The following AFMID variants were observed in gnomAD, a reference collection of about 807,000 sequenced individuals.
The protein encoded by AFMID is kynurenine formamidase.
AFMID carries 39 observed loss-of-function variants against 47.5 expected under a neutral mutation model. The observed-to-expected ratio is 0.82, with a 90% confidence interval of 0.64 to 1.07. The LOEUF (loss-of-function observed/expected upper bound fraction) is 1.07, where lower values mean the gene tolerates loss of function less well. Ranked by LOEUF, AFMID falls within the 50% of genes least tolerant of loss-of-function variation. AFMID has a pLI of 0.00. For synonymous variants in AFMID, 130 were observed against 153.2 expected (o/e 0.85, Z 1.12); for missense variants, 375 against 387.5 (o/e 0.97, Z 0.27).
chr17:78,199,290 C>A (rs1272409105), intron 2 of AFMID, among the ~76,000 whole-genome samples: 1 of 152,234 alleles, frequency 6.6e-6, no homozygotes, highest in Non-Finnish European at 1.5e-5. Context: ...AAGCTCTCAG[C>A]CCCATGCTTT....
Position 78,204,871 on chromosome 17 carries a change from G to T in AFMID, c.438G>T (p.Ala146=), listed in dbSNP as rs746788138. 5 of 1,614,216 alleles carry T rather than the reference G, an allele frequency of 3.1e-6. No homozygotes were observed. Among genetic ancestry groups the T allele is most frequent in the South Asian group, 1.1e-5 (1 of 91,086 alleles). The change falls in exon 6 of 11, where the codon GCG becomes GCT. Residue 146 remains alanine (A), a synonymous_variant. Transcript: ENST00000409257. ...TAGACCAGGTGACCCGCAGCGTTGCGTTTGTCCAGAAGCGGTATCCAAGCA... is the reference window on the plus strand; with the variant it reads ...TAGACCAGGTGACCCGCAGCGTTGCTTTTGTCCAGAAGCGGTATCCAAGCA... The part of the protein sequence containing the change: ...HMVDQVTRSV[A]FVQKRYPSNK...
chr17:78,192,175 A>ATTT (rs201019004), intron 2 of AFMID, among the ~76,000 whole-genome samples: 1 of 124,126 alleles, frequency 8.1e-6, no homozygotes, highest in Non-Finnish European at 1.7e-5. Context: ...AGTGTTTTGT[A>ATTT]TTTTTTTTTT....
intron 2 of AFMID, chr17:78,192,760 G>A (rs550778437): frequency 3.8e-5 from 16 of 417,892 alleles, no homozygotes; most frequent in Non-Finnish European, 7.7e-5. Flanking sequence ...CTGGGATGGG[G>A]AGCAGGCCCC....
In AFMID at chr17:78,193,406, G is replaced by A. The variant is rs993452815; in HGVS notation, c.154+2346G>A. Among the ~76,000 whole-genome samples, 5 of 140,142 alleles carry A rather than the reference G, an allele frequency of 3.6e-5. 1 individual carries two copies. Among genetic ancestry groups the A allele is most frequent in the Non-Finnish European group, 7.7e-5 (5 of 64,842 alleles). The allele number at this position is 140,142 out of a possible 152,430, so 91.9% of individuals were successfully genotyped here. A position where few individuals can be genotyped will look rare whatever the true frequency, so the allele number is the denominator to read the frequency against. ...AAAAAAAAAAAAAAAAAAGCTGTAA[G>A]CAAACCTATTTGCCTGTCTTAATTG... On this transcript the variant is annotated intron_variant, in intron 2 of 10. Coordinates refer to ENST00000409257, the MANE Select transcript of AFMID (RefSeq NM_001010982.5).
Position 78,205,094 on chromosome 17 carries a change from G to T in AFMID, c.469G>T (p.Gly157Ter). 1.2e-6 allele frequency: 2 copies of T among 1,609,710 alleles called. No homozygotes were observed. Among genetic ancestry groups the T allele is most frequent in the Non-Finnish European group, 1.7e-6 (2 of 1,178,130 alleles). ...GCTCTCTGCTCTGACCCCTCCCAGG[G>T]GAATTTACCTGTGTGGACACTCAGC... The part of the protein sequence containing the change: ...FVQKRYPSNK[G>*]IYLCGHSAGA... Residue 157 changes from glycine (G) to a stop codon, truncating the protein, a stop_gained and splice_region_variant, in exon 7 of 11, where the codon GGA becomes TGA. Coordinates refer to ENST00000409257, the MANE Select transcript of AFMID (RefSeq NM_001010982.5). LOFTEE classifies it high-confidence loss of function.
rs1337710133 is a variant in AFMID at position 78,187,386 on chromosome 17, G to A, written c.16G>A (p.Gly6Ser). Residue 6 changes from glycine (G) to serine (S), a missense_variant, in exon 1 of 11, where the codon GGT (glycine) becomes AGT (serine). Physicochemically the swap from Gly to Ser is moderately conservative, Grantham distance 56. Transcript: ENST00000409257. MMDVS[G>S]VGFPSKVPWK... ...TGTAGACGCCATGATGGATGTGTCT[G>A]GTGTGGGTTTCCCAAGCAAGGTTCC... 8 of 1,613,824 alleles carry A rather than the reference G, an allele frequency of 5.0e-6. No homozygotes were observed. Among genetic ancestry groups the A allele is most frequent in the South Asian group, 1.1e-5 (1 of 91,084 alleles).
intron 2 of AFMID, among the ~76,000 whole-genome samples, chr17:78,200,296 A>G (rs1166873610): frequency 6.6e-6 from 1 of 152,082 alleles, no homozygotes; most frequent in Non-Finnish European, 1.5e-5. Context: ...CTGGGATTAC[A>G]GGCACGCGCC....
chr17:78,202,434 A>G (rs1273878194), intron 2 of AFMID, 65 bp from the exon 3 acceptor site: 1 of 1,537,756 alleles, frequency 6.5e-7, no homozygotes, highest in African/African-American at 1.4e-5. Flanking sequence ...GTCTCAAAAA[A>G]AAGAAAAGAA....
At chr17:78,198,799 C>A (rs7221200) in intron 2 of AFMID, among the ~76,000 whole-genome samples, 66,094 of 151,498 alleles carry the variant, frequency 0.44, 16,544 homozygotes, top group African/African-American at 0.68. Flanking sequence ...ACAGAGCGAG[C>A]CTCTGTCTCA....
At chr17:78,201,892 G>A (rs1054892094) in intron 2 of AFMID, among the ~76,000 whole-genome samples, 3 of 151,598 alleles carry the variant, frequency 2.0e-5, no homozygotes, top group Non-Finnish European at 4.4e-5. Context: ...CACCACGCCT[G>A]GCTAATTTTT....
At chr17:78,206,537 G>C (rs2076387556) in intron 10 of AFMID, among the ~76,000 whole-genome samples, 1 of 151,464 alleles carries the variant, frequency 6.6e-6, no homozygotes. Context: ...CTCTCGAGTA[G>C]CTGGGACTAC....
rs774087688 is a variant in AFMID at position 78,204,611 on chromosome 17, A to G, written c.309-45A>G. 1.0e-5 allele frequency: 16 copies of G among 1,590,458 alleles called. No individual in the cohort carries two copies. The South Asian group carries it at 1.8e-4, about 18-fold the overall frequency. On this transcript the variant is annotated intron_variant, in intron 4 of 10. Transcript: ENST00000409257. ...GTGTCCAGGACACAGGAAGCAGCGT[A>G]GTGGCCAAGCTGCCTCCAGCTGTCA...
chr17:78,204,608 C>A, intron 4 of AFMID, 48 bp from the exon 5 acceptor site: 2 of 1,586,854 alleles, frequency 1.3e-6, no homozygotes, highest in Non-Finnish European at 1.7e-6. Flanking sequence ...CAGGAAGCAG[C>A]GTAGTGGCCA....
Position 78,187,482 on chromosome 17 carries a change from A to G in AFMID, c.63+49A>G, listed in dbSNP as rs183554490. The G allele has an allele frequency of 7.0e-5, 111 of 1,596,968 alleles. No individual in the cohort carries two copies. The African/African-American group carries it at 1.2e-3, about 18-fold the overall frequency. On this transcript the variant is annotated intron_variant, in intron 1 of 10. Coordinates refer to ENST00000409257, the MANE Select transcript of AFMID (RefSeq NM_001010982.5). ...TAAGGGGCTGGGGCGGAGTTAGCTCATTTATTAGATTGGAATTCCAAGAAG... is the reference window on the plus strand; with the variant it reads ...TAAGGGGCTGGGGCGGAGTTAGCTCGTTTATTAGATTGGAATTCCAAGAAG...
chr17:78,204,526 C>A, intron 4 of AFMID, 130 bp from the exon 5 acceptor site: 1 of 847,030 alleles, frequency 1.2e-6, no homozygotes, highest in Non-Finnish European at 1.9e-6. Context: ...CCGCTTCACT[C>A]TCTCACATGG....
chr17:78,192,693 T>C (rs1434406774), intron 2 of AFMID: 5 of 459,828 alleles, frequency 1.1e-5, no homozygotes, highest in Non-Finnish European at 2.3e-5. Flanking sequence ...TTTCCATCTC[T>C]ACCCTGTATC....
At chr17:78,195,244 G>A (rs1460124836) in intron 2 of AFMID, among the ~76,000 whole-genome samples, 2 of 151,874 alleles carry the variant, frequency 1.3e-5, no homozygotes, top group Non-Finnish European at 2.9e-5. Flanking sequence ...GCCCAGGCTG[G>A]AGGGCAGTGG....
chr17:78,200,303 C>T (rs969121060), intron 2 of AFMID, among the ~76,000 whole-genome samples: 14 of 152,058 alleles, frequency 9.2e-5, no homozygotes, highest in South Asian at 2.1e-4. Flanking sequence ...TACAGGCACG[C>T]GCCACCACGC....
chr17:78,193,758 A>G (rs11655450), intron 2 of AFMID, among the ~76,000 whole-genome samples: 1 of 152,026 alleles, frequency 6.6e-6, no homozygotes, highest in Non-Finnish European at 1.5e-5. Context: ...TGGGCAGATC[A>G]CAAGGTCAGG....
Sources: gnomAD v4.1 joint callset for allele counts (sites outside exome capture counted in the v4.1 genomes callset) on GRCh38, gnomAD v4.1.1 for gene constraint, MANE v1.5 for transcripts, NCBI Gene and HGNC (gene_info 2026-07-23, HGNC 2026-07-21) for gene names.